Variants in MACROD2 observed in about 807,000 individuals in gnomAD.
MACROD2 encodes ADP-ribose glycohydrolase MACROD2.
Under a neutral mutation model 70.4 loss-of-function variants are expected in MACROD2, and 36 were observed. That is an observed-to-expected ratio of 0.51 (90% CI 0.39 to 0.68). The LOEUF (loss-of-function observed/expected upper bound fraction) is 0.68. MACROD2 is among the 30% of genes least tolerant of loss of function. The pLI is 0.00. For missense variants in MACROD2, 496 were observed against 538.4 expected, an observed-to-expected ratio of 0.92 and a Z score of 0.78; for synonymous variants, 172 against 178.8, an observed-to-expected ratio of 0.96 and a Z score of 0.30.
chr20:15,007,643 A>G (rs1028547366), intron 5 of MACROD2, among the ~76,000 whole-genome samples: 3 of 152,228 alleles, frequency 2.0e-5, no homozygotes, highest in African/African-American at 7.2e-5. Flanking sequence ...ATTTTTAAAA[A>G]GGGCAGGAGG....
intron 15 of MACROD2, among the ~76,000 whole-genome samples, chr20:16,017,465 C>T (rs2066944573): frequency 2.0e-5 from 3 of 152,310 alleles, no homozygotes; most frequent in Middle Eastern, 3.4e-3. Flanking sequence ...ATCATGTGGT[C>T]TTTGCAGAAC....
intron 3 of MACROD2, among the ~76,000 whole-genome samples, chr20:14,351,543 GT>G: frequency 6.6e-6 from 1 of 152,014 alleles, no homozygotes; most frequent in Admixed American, 6.6e-5. Context: ...TTTTCAGGTT[GT>G]TCATTGTTGG....
intron 7 of MACROD2, among the ~76,000 whole-genome samples, chr20:15,468,015 T>A (rs1160124754): frequency 6.6e-6 from 1 of 152,158 alleles, no homozygotes; most frequent in Non-Finnish European, 1.5e-5. Flanking sequence ...GAAAGCAGAG[T>A]CCAGGTTCTC....
At chr20:14,918,415 A>G (rs1203143825) in intron 5 of MACROD2, among the ~76,000 whole-genome samples, 2 of 152,194 alleles carry the variant, frequency 1.3e-5, no homozygotes, top group Non-Finnish European at 2.9e-5. Context: ...GTAAGGTACC[A>G]TCCAGGCAAC....
intron 6 of MACROD2, among the ~76,000 whole-genome samples, chr20:15,322,237 T>G (rs1466914778): frequency 7.0e-6 from 1 of 143,846 alleles, no homozygotes; most frequent in African/African-American, 2.5e-5. Flanking sequence ...TGGATTCAAC[T>G]CAATGAAAGA....
chr20:16,009,649 C>T (rs976729752), intron 15 of MACROD2, among the ~76,000 whole-genome samples: 38 of 152,058 alleles, frequency 2.5e-4, no homozygotes, highest in African/African-American at 8.9e-4. Flanking sequence ...CCCAGCTACT[C>T]GAGAGGCTGA....
rs573460409 is a variant in MACROD2 at position 14,735,037 on chromosome 20, A to G, written c.418+50078A>G. On this transcript the variant is annotated intron_variant, in intron 5 of 17. Coordinates refer to ENST00000684519, the MANE Select transcript of MACROD2 (RefSeq NM_001351661.2). ...TGAGCTAAAACTATAAAACCCTTAG[A>G]AAAAAAATAGGAGTAAGTCTTCATG... is the stretch of plus-strand genomic sequence containing the variant. Among the ~76,000 whole-genome samples the G allele has an allele frequency of 9.2e-4, 140 of 152,102 alleles. 1 individual carries two copies. Among genetic ancestry groups the G allele is most frequent in the African/African-American group, 3.0e-3 (123 of 41,508 alleles).
At chr20:14,603,341 A>G (rs2123409733) in intron 4 of MACROD2, among the ~76,000 whole-genome samples, 1 of 152,222 alleles carries the variant, frequency 6.6e-6, no homozygotes, top group East Asian at 1.9e-4. Context: ...TTTTGTTCTT[A>G]CTCAAGTCTG....
At chr20:14,625,225 G>C (rs1378178914) in intron 4 of MACROD2, among the ~76,000 whole-genome samples, 1 of 152,022 alleles carries the variant, frequency 6.6e-6, no homozygotes, top group Admixed American at 6.6e-5. Context: ...TACTCGAGAG[G>C]CTCAGGCAGG....
intron 8 of MACROD2, among the ~76,000 whole-genome samples, chr20:15,553,669 C>T (rs559000187): frequency 7.9e-5 from 12 of 152,344 alleles, no homozygotes; most frequent in Non-Finnish European, 1.3e-4. Flanking sequence ...ATCCACCTGC[C>T]TCAGCCTCCC....
chr20:15,017,412 G>T (rs1188935182), intron 5 of MACROD2, among the ~76,000 whole-genome samples: 1 of 152,212 alleles, frequency 6.6e-6, no homozygotes, highest in African/African-American at 2.4e-5. Flanking sequence ...GCAGGGTACA[G>T]CCTTCTTCCT....
intron 3 of MACROD2, among the ~76,000 whole-genome samples, chr20:14,161,745 C>A (rs1055996534): frequency 6.6e-6 from 1 of 151,786 alleles, no homozygotes; most frequent in Non-Finnish European, 1.5e-5. Flanking sequence ...CCACCACACC[C>A]GTTATTTATA....
At chr20:14,860,110 C>T (rs995132217) in intron 5 of MACROD2, among the ~76,000 whole-genome samples, 1 of 152,072 alleles carries the variant, frequency 6.6e-6, no homozygotes, top group Non-Finnish European at 1.5e-5. Flanking sequence ...CTGAATAAAT[C>T]TCATAGCAGG....
At chr20:14,938,003 G>GTTTTTTTTTTTTT (rs56254441) in intron 5 of MACROD2, among the ~76,000 whole-genome samples, 1 of 136,028 alleles carries the variant, frequency 7.4e-6, no homozygotes. Context: ...CAGATAACAA[G>GTTTTTTTTTTTTT]TTTTTTTTTT....
intron 4 of MACROD2, among the ~76,000 whole-genome samples, chr20:14,515,933 C>T (rs1478877902): frequency 6.7e-6 from 1 of 148,842 alleles, no homozygotes; most frequent in Non-Finnish European, 1.5e-5. Context: ...ATACATAGAT[C>T]AAAACATTAC....
intron 3 of MACROD2, among the ~76,000 whole-genome samples, chr20:14,388,542 G>T (rs548529140): frequency 6.6e-6 from 1 of 152,194 alleles, no homozygotes; most frequent in Admixed American, 6.5e-5. Context: ...TTGCAATAAA[G>T]TGAAACAAAA....
chr20:14,516,392 A>C (rs561091289), intron 4 of MACROD2, among the ~76,000 whole-genome samples: 1 of 152,034 alleles, frequency 6.6e-6, no homozygotes, highest in Non-Finnish European at 1.5e-5. Context: ...TGTGTCCTGA[A>C]TGGTATTGCC....
At chr20:15,274,804 G>A (rs1255528304) in intron 6 of MACROD2, among the ~76,000 whole-genome samples, 1 of 152,218 alleles carries the variant, frequency 6.6e-6, no homozygotes, top group Non-Finnish European at 1.5e-5. Context: ...ATGGCACATT[G>A]TGATAATTGA....
intron 4 of MACROD2, among the ~76,000 whole-genome samples, chr20:14,528,289 G>T (rs1274786299): frequency 2.7e-5 from 3 of 111,022 alleles, no homozygotes; most frequent in African/African-American, 8.7e-5. Context: ...TTGTGTTGTT[G>T]CTTTTTTTTT....
Sources: gnomAD v4.1 joint callset for allele counts (sites outside exome capture counted in the v4.1 genomes callset) on GRCh38, gnomAD v4.1.1 for gene constraint, MANE v1.5 for transcripts, NCBI Gene and HGNC (gene_info 2026-07-23, HGNC 2026-07-21) for gene names.